HSD17B11: variants seen among roughly 807,000 people sequenced by gnomAD.
HSD17B11 encodes the protein estradiol 17-beta-dehydrogenase 11.
Under a neutral mutation model 27.8 loss-of-function variants are expected in HSD17B11, and 22 were observed. The ratio of observed to expected loss-of-function variants is 0.79; its 90% CI spans 0.56 to 1.13. HSD17B11 has a LOEUF of 1.13. Ranked by LOEUF, HSD17B11 falls within the 50% of genes most tolerant of loss-of-function variation. HSD17B11 has a pLI of 0.00. For missense variants in HSD17B11, 314 were observed against 351.1 expected (o/e 0.89, Z 0.84); for synonymous variants, 117 against 132.8 (o/e 0.88, Z 0.82).
chr4:87,383,160 T>C (rs1452542850), intron 1 of HSD17B11, among the ~76,000 whole-genome samples: 1 of 152,168 alleles, frequency 6.6e-6, no homozygotes, highest in African/African-American at 2.4e-5. Context: ...AGATTGGTCT[T>C]GTGGAAACCA....
At position 87,363,476 on chromosome 4, in the gene HSD17B11, T is replaced by C. The variant is rs868306630; in HGVS notation, c.558-6060A>G. Among the ~76,000 whole-genome samples, 17 of 152,176 alleles carry C rather than the reference T, an allele frequency of 1.1e-4. No homozygotes were observed. The South Asian group carries it at 1.4e-3, about 13-fold the overall frequency. On this transcript the variant is annotated intron_variant, in intron 4 of 6. Coordinates refer to ENST00000358290, the MANE Select transcript of HSD17B11 (RefSeq NM_016245.5). ...CACCTGTAAGCCCGCTTTTCAAGAC[T>C]ACCCAGCAAGCTGGTCAGTAACAAA...
intron 1 of HSD17B11, among the ~76,000 whole-genome samples, chr4:87,389,027 T>C (rs1197100786): frequency 6.6e-6 from 1 of 152,188 alleles, no homozygotes; most frequent in Non-Finnish European, 1.5e-5. Context: ...AGGTATGTAT[T>C]GTTATTTTAT....
At chr4:87,342,603 A>G (rs139361662) in intron 5 of HSD17B11, among the ~76,000 whole-genome samples, 2,139 of 152,162 alleles carry the variant, frequency 0.014, 53 homozygotes, top group African/African-American at 0.049. Flanking sequence ...AGAATAATTC[A>G]TTCAGAAAAA....
intron 4 of HSD17B11, among the ~76,000 whole-genome samples, chr4:87,359,300 C>T (rs974435000): frequency 7.9e-5 from 12 of 152,204 alleles, no homozygotes; most frequent in African/African-American, 2.4e-4. Flanking sequence ...TGAAAAACAA[C>T]ATAAATAAAA....
At chr4:87,359,323 A>G (rs1035034588) in intron 4 of HSD17B11, among the ~76,000 whole-genome samples, 29 of 152,238 alleles carry the variant, frequency 1.9e-4, no homozygotes, top group African/African-American at 6.0e-4. Flanking sequence ...CAGATCTAAA[A>G]TAGATTACTA....
intron 4 of HSD17B11, among the ~76,000 whole-genome samples, chr4:87,366,609 T>C (rs1735617113): frequency 6.6e-6 from 1 of 152,222 alleles, no homozygotes; most frequent in African/African-American, 2.4e-5. Flanking sequence ...CTAATAATTA[T>C]AATTGTTATG....
chr4:87,356,631 C>T lies in HSD17B11; in HGVS notation c.695+648G>A, dbSNP rs560664236. 2.0e-4 allele frequency among the ~76,000 whole-genome samples: 30 copies of T among 152,218 alleles called. No homozygotes were observed. The South Asian group carries it at 6.2e-3, about 32-fold the overall frequency. On this transcript the variant is annotated intron_variant, in intron 5 of 6. Transcript: ENST00000358290. ...AAGAAACTTTTCGATTTGTATTTTT[C>T]ATTAACATTGGAATTTAAACAAATA...
chr4:87,356,435 T>C (rs1735389044), intron 5 of HSD17B11, among the ~76,000 whole-genome samples: 1 of 152,200 alleles, frequency 6.6e-6, no homozygotes, highest in Non-Finnish European at 1.5e-5. Flanking sequence ...CTCTGTACTT[T>C]ATTAGATGTC....
At chr4:87,375,817 A>C (rs1735811405) in intron 2 of HSD17B11, among the ~76,000 whole-genome samples, 2 of 143,100 alleles carry the variant, frequency 1.4e-5, no homozygotes, top group Admixed American at 7.1e-5. Flanking sequence ...TTACACTATT[A>C]AGCTGGCCAC....
At chr4:87,346,201 G>A (rs898363232) in intron 5 of HSD17B11, among the ~76,000 whole-genome samples, 4 of 152,064 alleles carry the variant, frequency 2.6e-5, no homozygotes, top group African/African-American at 9.7e-5. Flanking sequence ...TATCAAAAAC[G>A]CATTTGACAT....
chr4:87,378,677 C>T (rs2110128362), intron 2 of HSD17B11, among the ~76,000 whole-genome samples: 1 of 148,584 alleles, frequency 6.7e-6, no homozygotes, highest in South Asian at 2.1e-4. Context: ...TACACCACCT[C>T]TACCCTTCCC....
intron 4 of HSD17B11, among the ~76,000 whole-genome samples, chr4:87,360,626 GT>G (rs200146142): frequency 6.6e-6 from 1 of 151,996 alleles, no homozygotes; most frequent in African/African-American, 2.4e-5. Context: ...TTGAAGTGAT[GT>G]TTTTTTTCCC....
At chr4:87,353,369 A>T (rs947235014) in intron 5 of HSD17B11, among the ~76,000 whole-genome samples, 1 of 152,236 alleles carries the variant, frequency 6.6e-6, no homozygotes, top group Non-Finnish European at 1.5e-5. Context: ...GGTTTAAGAA[A>T]ATGACATTTT....
At chr4:87,387,415 C>T (rs376714588) in intron 1 of HSD17B11, among the ~76,000 whole-genome samples, 1 of 152,290 alleles carries the variant, frequency 6.6e-6, no homozygotes, top group East Asian at 1.9e-4. Flanking sequence ...CCCCTCCCTG[C>T]CCTGCCAGCT....
chr4:87,369,054 G>C (rs1047657792), intron 4 of HSD17B11, among the ~76,000 whole-genome samples: 3 of 152,130 alleles, frequency 2.0e-5, no homozygotes, highest in African/African-American at 7.2e-5. Flanking sequence ...CGAGATCCAA[G>C]AACCCTCTCT....
At chr4:87,345,137 G>A (rs7671900) in intron 5 of HSD17B11, 57,415 of 151,952 alleles carry the variant, frequency 0.38, 11,175 homozygotes, top group Non-Finnish European at 0.43. Flanking sequence ...GTGGTGGCAC[G>A]CACCTGTAGT....
At chr4:87,346,821 C>T (rs779141597) in intron 5 of HSD17B11, among the ~76,000 whole-genome samples, 9 of 151,992 alleles carry the variant, frequency 5.9e-5, no homozygotes, top group African/African-American at 9.7e-5. Context: ...ACTTGGGACA[C>T]TGAGGCAAGA....
chr4:87,337,193 C>A lies in HSD17B11; in HGVS notation c.*83G>T. ...AAGAAATGGGGATAATTAGAAAAAACAGAAGTTCAAACATTAAAATTCTGG... is the reference window on the plus strand; with the variant it reads ...AAGAAATGGGGATAATTAGAAAAAAAAGAAGTTCAAACATTAAAATTCTGG... On this transcript the variant is annotated 3_prime_UTR_variant, in exon 7 of 7. Coordinates refer to ENST00000358290, the MANE Select transcript of HSD17B11 (RefSeq NM_016245.5). The A allele has an allele frequency of 1.2e-6, 1 of 854,436 alleles. No individual in the cohort carries two copies. The highest frequency in any genetic ancestry group is 1.4e-5 in the South Asian group (1 of 69,192). 52.9% of individuals were successfully genotyped at this position (854,436 alleles called of 1,614,324 possible).
At chr4:87,344,211 T>C (rs1413246603) in intron 5 of HSD17B11, among the ~76,000 whole-genome samples, 1 of 152,210 alleles carries the variant, frequency 6.6e-6, no homozygotes, top group Non-Finnish European at 1.5e-5. Flanking sequence ...AACTAATATC[T>C]TTCTGTGACA....
Sources: gnomAD v4.1 joint callset for allele counts (sites outside exome capture counted in the v4.1 genomes callset) on GRCh38, gnomAD v4.1.1 for gene constraint, MANE v1.5 for transcripts, NCBI Gene and HGNC (gene_info 2026-07-23, HGNC 2026-07-21) for gene names.